The following GLI4 variants were observed in gnomAD, a reference collection of about 807,000 sequenced individuals.
GLI4 encodes the protein GLI family zinc finger 4.
Under a neutral mutation model 30.9 loss-of-function variants are expected in GLI4, and 34 were observed. The ratio of observed to expected loss-of-function variants is 1.10; its 90% CI spans 0.84 to 1.47. The LOEUF (loss-of-function observed/expected upper bound fraction) is 1.47. Among genes scored for constraint, GLI4 ranks in the 40% most tolerant of loss-of-function variants. GLI4 has a pLI of 0.00. For missense variants in GLI4, 696 were observed against 538.9 expected (o/e 1.29, Z -2.89); for synonymous variants, 277 against 236.7 (o/e 1.17, Z -1.56).
chr8:143,275,691 G>T, intron 3 of GLI4: 1 of 1,239,598 alleles, frequency 8.1e-7, no homozygotes, highest in Non-Finnish European at 1.0e-6. Context: ...ACCCTGCAAC[G>T]CCCCCCACCC....
Position 143,275,970 on chromosome 8 carries a change from G to A in GLI4, c.297G>A (p.Ala99=). The A allele has an allele frequency of 3.0e-6, 4 of 1,342,126 alleles. No individual in the cohort carries two copies. Among genetic ancestry groups the A allele is most frequent in the Non-Finnish European group, 3.8e-6 (4 of 1,046,700 alleles). 83.1% of individuals were successfully genotyped at this position (1,342,126 alleles called of 1,614,324 possible). The change falls in exon 4 of 4, where the codon GCG becomes GCA. Residue 99 remains alanine (A), a synonymous_variant. Transcript: ENST00000340042. ...CCCCTGACGAGGGGGCGGGCGGGGCGCTGCGCAGCCTCCTGAGGAGCCTTC... is the reference window on the plus strand; with the variant it reads ...CCCCTGACGAGGGGGCGGGCGGGGCACTGCGCAGCCTCCTGAGGAGCCTTC... ...SQAPDEGAGG[A]LRSLLRSLPR...
Position 143,275,955 on chromosome 8 carries a change from G to T in GLI4, c.282G>T (p.Glu94Asp), listed in dbSNP as rs763240087. Residue 94 changes from glutamate to aspartate, a missense_variant, in exon 4 of 4, where the codon GAG becomes GAT. By Grantham distance (45) the Glu-to-Asp change is conservative (BLOSUM62 2). Transcript: ENST00000340042. Reference protein sequence around the residue: ...PRSPGSQAPDEGAGGALRSLL... With the variant: ...PRSPGSQAPDDGAGGALRSLL... ...CTCCTGGCTCTCAGGCCCCTGACGA[G>T]GGGGCGGGCGGGGCGCTGCGCAGCC... is the stretch of plus-strand genomic sequence containing the variant. The T allele has an allele frequency of 1.5e-6, 2 of 1,329,654 alleles. No individual in the cohort carries two copies. The highest frequency in any genetic ancestry group is 1.9e-6 in the Non-Finnish European group (2 of 1,040,988). 82.4% of individuals were successfully genotyped at this position (1,329,654 alleles called of 1,614,324 possible).
intron 2 of GLI4, 37 bp downstream of exon 2, chr8:143,269,557 ATCCCCTGCCCTCACG>A (rs1563734892): frequency 1.9e-6 from 3 of 1,578,000 alleles, no homozygotes; most frequent in Non-Finnish European, 2.6e-6. Context: ...TCCACCCTGC[ATCCCCTGCCCTCACG>A]TCCCCTGCCC....
intron 2 of GLI4, among the ~76,000 whole-genome samples, chr8:143,271,815 C>T (rs1398574409): frequency 6.6e-6 from 1 of 152,142 alleles, no homozygotes; most frequent in Non-Finnish European, 1.5e-5. Flanking sequence ...GTCCCTGCAG[C>T]CATGAAGCTG....
Position 143,269,507 on chromosome 8 carries a change from T to G in GLI4, c.111T>G (p.His37Gln), listed in dbSNP as rs758839949. The part of the protein sequence containing the change: ...TQHHEPQLHL[H>Q]GHQHGSPGSS... ...ACCACGAGCCTCAGCTTCACCTCCATGGGCATCAACATGGTACTCACCCAG... is the reference window on the plus strand; with the variant it reads ...ACCACGAGCCTCAGCTTCACCTCCAGGGGCATCAACATGGTACTCACCCAG... Residue 37 changes from histidine (H) to glutamine (Q), a missense_variant, in exon 2 of 4, where the codon CAT (histidine) becomes CAG (glutamine). Transcript: ENST00000340042. 1.9e-6 allele frequency: 3 copies of G among 1,613,064 alleles called. No homozygotes were observed. Among genetic ancestry groups the G allele is most frequent in the Non-Finnish European group, 2.5e-6 (3 of 1,179,538 alleles).
Position 143,268,781 on chromosome 8 carries a change from G to C in GLI4, c.-37-579G>C, listed in dbSNP as rs552706173. Among the ~76,000 whole-genome samples the C allele has an allele frequency of 8.3e-4, 126 of 151,888 alleles. 2 individuals are homozygous for C. The highest frequency in any genetic ancestry group is 7.7e-3 in the Admixed American group (118 of 15,288). ...TTCGCTTCAGCCCCCACAGGCGTCT[G>C]CTGTGCCGCCCAGGCGGTGGCTGCT... On this transcript the variant is annotated intron_variant, in intron 1 of 3. Coordinates refer to ENST00000340042, the MANE Select transcript of GLI4 (RefSeq NM_138465.4).
At chr8:143,269,234 C>G in intron 1 of GLI4, 126 bp from the exon 2 acceptor site, 1 of 723,694 alleles carries the variant, frequency 1.4e-6, no homozygotes, top group East Asian at 2.5e-5. Flanking sequence ...ATCCTCCATC[C>G]TTGCTCCTCC....
At chr8:143,273,766 C>G (rs1250993562) in intron 2 of GLI4, among the ~76,000 whole-genome samples, 2 of 152,252 alleles carry the variant, frequency 1.3e-5, no homozygotes, top group African/African-American at 4.8e-5. Context: ...CAGATTCGGC[C>G]TCACGGGGCT....
chr8:143,276,796 C>T lies in GLI4; in HGVS notation c.1123C>T (p.Arg375Cys), dbSNP rs1422881132. Reference protein sequence around the residue: ...QLIQHQRVHYRE With the variant: ...QLIQHQRVHYCE ...CATCCAGCACCAGCGGGTGCACTACCGCGAGTAGCCGGGCGGGGGCTCGGG... is the reference window on the plus strand; with the variant it reads ...CATCCAGCACCAGCGGGTGCACTACTGCGAGTAGCCGGGCGGGGGCTCGGG... The change falls in exon 4 of 4, where the codon CGC becomes TGC. Residue 375 changes from arginine (R) to cysteine (C), a missense_variant. Physicochemically the swap from Arg to Cys is radical, Grantham distance 180. Coordinates refer to ENST00000340042, the MANE Select transcript of GLI4 (RefSeq NM_138465.4). The T allele has an allele frequency of 3.2e-6, 5 of 1,560,334 alleles. No individual in the cohort carries two copies. Among genetic ancestry groups the T allele is most frequent in the Admixed American group, 1.8e-5 (1 of 54,126 alleles).
At chr8:143,272,225 G>C (rs970456127) in intron 2 of GLI4, among the ~76,000 whole-genome samples, 1 of 152,146 alleles carries the variant, frequency 6.6e-6, no homozygotes, top group Non-Finnish European at 1.5e-5. Context: ...GCCACCCCGC[G>C]ACAGGCACAG....
intron 1 of GLI4, among the ~76,000 whole-genome samples, chr8:143,268,703 G>T (rs959005710): frequency 6.6e-6 from 1 of 152,266 alleles, no homozygotes; most frequent in Non-Finnish European, 1.5e-5. Context: ...TCTGGGGGAG[G>T]GGTGATGCCA....
chr8:143,276,413 C>G lies in GLI4; in HGVS notation c.740C>G (p.Ala247Gly). ...KPYECGQCGR[A>G]FSHSSHFTQH... ...TACGAGTGCGGCCAGTGCGGCCGCG[C>G]CTTCAGCCACAGCTCGCACTTCACG... Residue 247 changes from alanine to glycine, a missense_variant, in exon 4 of 4, where the codon GCC becomes GGC. Ala to Gly is a moderately conservative substitution (Grantham distance 60, BLOSUM62 0). Coordinates refer to ENST00000340042, the MANE Select transcript of GLI4 (RefSeq NM_138465.4). The G allele has an allele frequency of 6.2e-7, 1 of 1,612,492 alleles. No homozygotes were observed. Among genetic ancestry groups the G allele is most frequent in the Non-Finnish European group, 8.5e-7 (1 of 1,179,690 alleles).
chr8:143,271,113 G>A (rs1314354859), intron 2 of GLI4, among the ~76,000 whole-genome samples: 1 of 152,226 alleles, frequency 6.6e-6, no homozygotes, highest in Non-Finnish European at 1.5e-5. Context: ...ACCCCCAGGG[G>A]TTTTGCCCCG....
At chr8:143,267,617 C>T in intron 1 of GLI4, 133 bp downstream of exon 1, 1 of 985,486 alleles carries the variant, frequency 1.0e-6, no homozygotes. Context: ...CTCGCCGTGA[C>T]CTTGGCCTTG....
intron 3 of GLI4, 90 bp downstream of exon 3, chr8:143,274,892 T>C (rs1329078706): frequency 1.3e-6 from 2 of 1,495,910 alleles, no homozygotes; most frequent in East Asian, 5.0e-5. Context: ...CCCCCAATGC[T>C]GGCACCACCC....
chr8:143,268,774 G>A (rs1815197379), intron 1 of GLI4, among the ~76,000 whole-genome samples: 1 of 151,816 alleles, frequency 6.6e-6, no homozygotes, highest in South Asian at 2.1e-4. Flanking sequence ...AGCCCCCACA[G>A]GCGTCTGCTG....
chr8:143,275,928 C>G lies in GLI4; in HGVS notation c.255C>G (p.Arg85=). The part of the protein sequence containing the change: ...DSEPKPEQAP[R]SPGSQAPDEG... ...AGCCCAAGCCGGAGCAGGCTCCACG[C>G]TCTCCTGGCTCTCAGGCCCCTGACG... is the stretch of plus-strand genomic sequence containing the variant. The change falls in exon 4 of 4, where the codon CGC becomes CGG. Residue 85 remains arginine, a synonymous_variant. Transcript: ENST00000340042. The G allele has an allele frequency of 7.6e-7, 1 of 1,321,082 alleles. No individual in the cohort carries two copies. Among genetic ancestry groups the G allele is most frequent in the Admixed American group, 4.0e-5 (1 of 25,282 alleles). 81.8% of individuals were successfully genotyped at this position (1,321,082 alleles called of 1,614,324 possible). A position where few individuals can be genotyped will look rare whatever the true frequency, so the allele number is the denominator to read the frequency against.
At position 143,267,503 on chromosome 8, in the gene GLI4, C is replaced by T. The variant is rs960045676; in HGVS notation, c.-38+19C>T. The T allele has an allele frequency of 5.1e-6, 5 of 986,192 alleles. No homozygotes were observed. The Admixed American group carries it at 1.8e-4, about 36-fold the overall frequency. The allele number at this position is 986,192 out of a possible 1,614,324, so 61.1% of individuals were successfully genotyped here. A position where few individuals can be genotyped will look rare whatever the true frequency, so the allele number is the denominator to read the frequency against. On this transcript the variant is annotated intron_variant, in intron 1 of 3. Transcript: ENST00000340042. Reference sequence around the variant, plus strand: ...TCGGAAGGTGAGTGGGCGCGGGCGGCGGCGGCGGCTCCGGGTGCCTGGGAC... The same window carrying T: ...TCGGAAGGTGAGTGGGCGCGGGCGGTGGCGGCGGCTCCGGGTGCCTGGGAC...
chr8:143,275,381 A>C, intron 3 of GLI4: 2 of 1,394,040 alleles, frequency 1.4e-6, no homozygotes, highest in Non-Finnish European at 1.9e-6. Flanking sequence ...CTGGAAAGAG[A>C]CCCTGGGCCA....
Sources: allele counts gnomAD v4.1 joint callset (sites outside exome capture counted in the v4.1 genomes callset), GRCh38; gene constraint gnomAD v4.1.1; transcripts MANE v1.5; gene names NCBI Gene and HGNC (gene_info 2026-07-23, HGNC 2026-07-21).